The following PEX5L variants were observed in gnomAD, a reference collection of about 807,000 sequenced individuals.
PEX5L encodes PEX5-related protein.
In PEX5L, 30 loss-of-function variants were observed where a neutral mutation model predicts 84.0. That is an observed-to-expected ratio of 0.36 (90% confidence interval 0.27 to 0.48). The LOEUF (loss-of-function observed/expected upper bound fraction) is 0.48. Ranked by LOEUF, PEX5L falls within the 20% of genes least tolerant of loss-of-function variation. PEX5L has a pLI of 0.99. For missense variants in PEX5L, 533 were observed against 754.6 expected (o/e 0.71, Z 3.44); for synonymous variants, 270 against 283.1 (o/e 0.95, Z 0.46).
At chr3:179,940,996 A>G (rs923311939) in intron 2 of PEX5L, among the ~76,000 whole-genome samples, 1 of 152,226 alleles carries the variant, frequency 6.6e-6, no homozygotes, top group South Asian at 2.1e-4. Flanking sequence ...CCAGAGGTAG[A>G]AAAGATGAAT....
At position 179,898,122 on chromosome 3, in the gene PEX5L, A is replaced by C. The variant is rs1759986735; in HGVS notation, c.198+20T>G. 6.7e-7 allele frequency: 1 copy of C among 1,488,292 alleles called. No individual in the cohort carries two copies. The highest frequency in any genetic ancestry group is 1.4e-5 in the African/African-American group (1 of 72,514). The allele number at this position is 1,488,292 out of a possible 1,614,324, so 92.2% of individuals were successfully genotyped here. On this transcript the variant is annotated intron_variant, in intron 3 of 14. Coordinates refer to ENST00000467460, the MANE Select transcript of PEX5L (RefSeq NM_016559.3). Reference sequence around the variant, plus strand: ...TTAACATATGTCAGCTTCCTACAGAAACCCTATGGGTCTGCCCACCTGTGA... The same window carrying C: ...TTAACATATGTCAGCTTCCTACAGACACCCTATGGGTCTGCCCACCTGTGA...
rs540340618 is a variant in PEX5L, at chr3:179,815,613, G to C, written c.1083+248C>G. ...AAAGAAAACTACTGATAAGCCTTCA[G>C]GTTGGTAATTTTGATTTTTCTTTTC... On this transcript the variant is annotated intron_variant, in intron 10 of 14. Transcript: ENST00000467460. Among the ~76,000 whole-genome samples, 189 of 152,200 alleles carry C rather than the reference G, an allele frequency of 1.2e-3. 1 individual carries two copies. The highest frequency in any genetic ancestry group is 4.4e-3 in the African/African-American group (181 of 41,552).
intron 2 of PEX5L, among the ~76,000 whole-genome samples, chr3:179,913,077 T>C (rs774133837): frequency 3.3e-5 from 5 of 152,150 alleles, no homozygotes; most frequent in Admixed American, 6.5e-5. Flanking sequence ...TTGTTCCCTT[T>C]AGTCAGTCTT....
intron 8 of PEX5L, among the ~76,000 whole-genome samples, chr3:179,853,739 C>A (rs1343370717): frequency 6.6e-6 from 1 of 152,018 alleles, no homozygotes; most frequent in Non-Finnish European, 1.5e-5. Context: ...TAGGTAGAGA[C>A]AATTTTTCTT....
At chr3:179,930,867 C>T (rs144562487) in intron 2 of PEX5L, among the ~76,000 whole-genome samples, 1,707 of 152,154 alleles carry the variant, frequency 0.011, 33 homozygotes, top group African/African-American at 0.038. Flanking sequence ...GAGAAAGAAA[C>T]GCTACTATTT....
At chr3:179,822,178 G>C (rs181018177) in intron 8 of PEX5L, among the ~76,000 whole-genome samples, 20 of 152,236 alleles carry the variant, frequency 1.3e-4, no homozygotes, top group Admixed American at 1.3e-3. Context: ...ACTCCCATTG[G>C]GTGATACGAG....
chr3:179,949,906 C>T (rs1449457398), intron 2 of PEX5L, among the ~76,000 whole-genome samples: 1 of 152,204 alleles, frequency 6.6e-6, no homozygotes, highest in Admixed American at 6.5e-5. Context: ...CCAGTCTGCA[C>T]ACCTGGGTTC....
At chr3:180,007,577 T>G (rs957033625) in intron 1 of PEX5L, among the ~76,000 whole-genome samples, 2 of 152,244 alleles carry the variant, frequency 1.3e-5, no homozygotes, top group Admixed American at 1.3e-4. Flanking sequence ...CACACTGCCC[T>G]AGCAGAAGTT....
chr3:179,859,071 T>A lies in PEX5L; in HGVS notation c.813A>T (p.Ala271=). 1 of 1,611,794 alleles carries A rather than the reference T, an allele frequency of 6.2e-7. No homozygotes were observed. The highest frequency in any genetic ancestry group is 8.5e-7 in the Non-Finnish European group (1 of 1,177,844). Reference sequence around the variant, plus strand: ...TTTGAAGAAAAGTTACCTCCACTGCTGCTTTTGCCCTTTCAAACTCTTCTT... The same window carrying A: ...TTTGAAGAAAAGTTACCTCCACTGCAGCTTTTGCCCTTTCAAACTCTTCTT... ...SLEEEFERAK[A]AVESDTEFWD... is the part of the protein sequence containing the mutation. The change falls in exon 8 of 15, where the codon GCA becomes GCT. Residue 271 remains alanine, a synonymous_variant. Coordinates refer to ENST00000467460, the MANE Select transcript of PEX5L (RefSeq NM_016559.3).
rs111529175 is a variant in PEX5L at position 179,837,823 on chromosome 3, C to T, written c.823-17847G>A. Among the ~76,000 whole-genome samples the T allele has an allele frequency of 3.4e-4, 52 of 152,294 alleles. 1 individual carries two copies. The highest frequency in any genetic ancestry group is 1.2e-3 in the African/African-American group (51 of 41,572). On this transcript the variant is annotated intron_variant, in intron 8 of 14. Coordinates refer to ENST00000467460, the MANE Select transcript of PEX5L (RefSeq NM_016559.3). ...AAACTCAGTTGTAAAAATTAATAAA[C>T]AGGCTGCTTGGTTAAAACAGGTAGA...
Position 179,815,996 on chromosome 3 carries a change from G to A in PEX5L, c.948C>T (p.Tyr316=), listed in dbSNP as rs1450211176. ...VTISASEKGY[Y]FHTENPFKDW... is the part of the protein sequence containing the mutation. ...CCTTGAAGGGGTTTTCAGTGTGAAA[G>A]TAATATCCCTGCAACACAGAAAAAG... Residue 316 remains tyrosine (Y), a synonymous_variant, in exon 10 of 15, where the codon TAC becomes TAT. Transcript: ENST00000467460. The A allele has an allele frequency of 3.1e-6, 5 of 1,613,992 alleles. No homozygotes were observed. The highest frequency in any genetic ancestry group is 4.2e-6 in the Non-Finnish European group (5 of 1,179,986).
At chr3:179,907,364 G>A (rs1390489901) in intron 2 of PEX5L, among the ~76,000 whole-genome samples, 1 of 152,066 alleles carries the variant, frequency 6.6e-6, no homozygotes, top group Non-Finnish European at 1.5e-5. Context: ...CCAGGCTGAA[G>A]TTCAGTGGCG....
chr3:179,804,558 T>C (rs995466391), intron 14 of PEX5L, among the ~76,000 whole-genome samples: 2 of 152,160 alleles, frequency 1.3e-5, no homozygotes, highest in Non-Finnish European at 2.9e-5. Context: ...AACAATTTCC[T>C]CTCCTTATTT....
chr3:179,894,855 C>T (rs933478364), intron 3 of PEX5L, among the ~76,000 whole-genome samples: 8 of 152,024 alleles, frequency 5.3e-5, no homozygotes, highest in Non-Finnish European at 1.0e-4. Flanking sequence ...TGGGCTATAC[C>T]TTGCTAAAAA....
intron 2 of PEX5L, among the ~76,000 whole-genome samples, chr3:179,954,537 A>G (rs1210580436): frequency 6.6e-6 from 1 of 152,036 alleles, no homozygotes; most frequent in African/African-American, 2.4e-5. Context: ...TTTGTTTGTT[A>G]ATGTAAAGAA....
chr3:179,948,963 G>A (rs754855305), intron 2 of PEX5L, among the ~76,000 whole-genome samples: 1 of 152,144 alleles, frequency 6.6e-6, no homozygotes, highest in Non-Finnish European at 1.5e-5. Flanking sequence ...ATAATATTTA[G>A]TTAATATGAC....
intron 4 of PEX5L, among the ~76,000 whole-genome samples, chr3:179,884,253 A>G (rs1268542674): frequency 6.6e-6 from 1 of 152,176 alleles, no homozygotes; most frequent in Non-Finnish European, 1.5e-5. Flanking sequence ...GACTTTGCAG[A>G]TGTAATTAAG....
At chr3:179,811,905 T>C in intron 10 of PEX5L, 34 bp from the exon 11 acceptor site, 2 of 1,539,992 alleles carry the variant, frequency 1.3e-6, no homozygotes, top group East Asian at 4.5e-5. Flanking sequence ...CATTGCAAGA[T>C]GAAGCAGAAT....
intron 1 of PEX5L, among the ~76,000 whole-genome samples, chr3:180,003,960 C>G (rs1354845324): frequency 2.6e-5 from 4 of 152,194 alleles, no homozygotes; most frequent in Non-Finnish European, 5.9e-5. Flanking sequence ...TTATCCCAAT[C>G]AATATCTTCA....
Sources: allele counts gnomAD v4.1 joint callset (sites outside exome capture counted in the v4.1 genomes callset), GRCh38; gene constraint gnomAD v4.1.1; transcripts MANE v1.5; gene names NCBI Gene and HGNC (gene_info 2026-07-23, HGNC 2026-07-21).